Variants in XRCC5 observed in about 807,000 individuals in gnomAD.
XRCC5 encodes X-ray repair cross complementing 5.
XRCC5 carries 12 observed loss-of-function variants against 95.7 expected under a neutral mutation model. That is an observed-to-expected ratio of 0.13 (90% CI 0.08 to 0.20). The LOEUF (loss-of-function observed/expected upper bound fraction) is 0.20. XRCC5 is among the 10% of genes least tolerant of loss of function. The probability of loss-of-function intolerance (pLI) is 1.00; values close to 1 mark genes in which losing one functional copy is unlikely to be tolerated. For synonymous variants in XRCC5, 281 were observed against 290.3 expected (o/e 0.97, Z 0.33); for missense variants, 595 against 873.9 (o/e 0.68, Z 4.02).
At chr2:216,168,362 A>G (rs1430959190) in intron 16 of XRCC5, among the ~76,000 whole-genome samples, 2 of 152,218 alleles carry the variant, frequency 1.3e-5, no homozygotes, top group East Asian at 3.8e-4. Flanking sequence ...TTTACATCTT[A>G]ATATAATGAA....
At chr2:216,121,945 T>A in intron 5 of XRCC5, 117 bp from the exon 6 acceptor site, 1 of 948,238 alleles carries the variant, frequency 1.1e-6, no homozygotes, top group East Asian at 2.7e-5. Context: ...GTAAGAGTCG[T>A]TTGACAGATG....
intron 14 of XRCC5, among the ~76,000 whole-genome samples, chr2:216,151,875 G>C (rs1026838507): frequency 1.3e-5 from 2 of 152,158 alleles, no homozygotes; most frequent in South Asian, 4.1e-4. Flanking sequence ...AAAGGAAAGA[G>C]GTTTGATTGA....
At chr2:216,185,586 A>T (rs1250684864) in intron 16 of XRCC5, among the ~76,000 whole-genome samples, 2 of 151,938 alleles carry the variant, frequency 1.3e-5, no homozygotes, top group Non-Finnish European at 2.9e-5. Flanking sequence ...ACTTATTTTG[A>T]TTTAAGTGCT....
chr2:216,166,913 G>A (rs902608549), intron 16 of XRCC5, among the ~76,000 whole-genome samples: 2 of 152,120 alleles, frequency 1.3e-5, no homozygotes, highest in Non-Finnish European at 2.9e-5. Context: ...GATATATGGG[G>A]ACAGATAAAA....
chr2:216,170,477 G>A (rs207927), intron 16 of XRCC5, among the ~76,000 whole-genome samples: 94,227 of 151,862 alleles, frequency 0.62, 30,359 homozygotes, highest in African/African-American at 0.79. Flanking sequence ...CCTGATACCA[G>A]TCTTCTATGA....
In XRCC5 at chr2:216,117,056, C is replaced by G. The variant is rs1696710891; in HGVS notation, c.319+214C>G. ...CCAGCCCTCCACTCACTTCCCTGTT[C>G]TCTGCATGGGTGATACTGAGAGGTT... On this transcript the variant is annotated intron_variant, in intron 3 of 20. Transcript: ENST00000392132. 1.2e-5 allele frequency: 7 copies of G among 585,302 alleles called. No individual in the cohort carries two copies. In the South Asian group the frequency reaches 1.5e-4, roughly 12 times the overall value. The allele number at this position is 585,302 out of a possible 1,614,324, so 36.3% of individuals were successfully genotyped here.
intron 16 of XRCC5, among the ~76,000 whole-genome samples, chr2:216,184,263 A>T (rs1689450143): frequency 6.6e-6 from 1 of 152,078 alleles, no homozygotes; most frequent in Non-Finnish European, 1.5e-5. Context: ...AATGTATGTA[A>T]CTCTAAAGAC....
intron 14 of XRCC5, among the ~76,000 whole-genome samples, chr2:216,158,168 T>G (rs1326683080): frequency 6.6e-6 from 1 of 152,176 alleles, no homozygotes; most frequent in East Asian, 1.9e-4. Flanking sequence ...CAACTTAGCT[T>G]TTTATGTGTA....
rs1689903836 is a variant in XRCC5, at chr2:216,204,438, T to A, written c.2184+42T>A. 2.5e-6 allele frequency: 4 copies of A among 1,605,382 alleles called. No individual in the cohort carries two copies. The African/African-American group carries it at 4.0e-5, about 16-fold the overall frequency. On this transcript the variant is annotated intron_variant, in intron 20 of 20. Transcript: ENST00000392132. The stretch of plus-strand genomic sequence containing the variant: ...TGCACCTGGTGTTCTATGATTGAAG[T>A]CACCTGAGCTGTAAATACAGCCACA...
chr2:216,119,232 T>C, intron 5 of XRCC5, 67 bp downstream of exon 5: 1 of 1,540,380 alleles, frequency 6.5e-7, no homozygotes, highest in Non-Finnish European at 8.9e-7. Flanking sequence ...ATGGGCCCTC[T>C]GTATAGAGTA....
intron 18 of XRCC5, among the ~76,000 whole-genome samples, chr2:216,194,194 CTT>C (rs1309172941): frequency 6.6e-6 from 1 of 152,224 alleles, no homozygotes; most frequent in Non-Finnish European, 1.5e-5. Flanking sequence ...AAAATTGTGA[CTT>C]TAAGCAAAAT....
intron 16 of XRCC5, among the ~76,000 whole-genome samples, chr2:216,163,597 C>T (rs1375468624): frequency 1.9e-5 from 2 of 106,340 alleles, no homozygotes; most frequent in Admixed American, 8.7e-5. Context: ...CCACCGTGCC[C>T]GGCCCAAAAA....
rs58499938 is a variant in XRCC5, at chr2:216,167,570, TTGTGTGTGTGTG to T, written c.1834+5555_1834+5566del. Among the ~76,000 whole-genome samples, 821 of 138,492 alleles carry T rather than the reference TTGTGTGTGTGTG, an allele frequency of 5.9e-3. 5 individuals carry two copies. Among genetic ancestry groups the T allele is most frequent in the African/African-American group, 0.018 (679 of 37,932 alleles). 90.9% of individuals were successfully genotyped at this position (138,492 alleles called of 152,430 possible). On this transcript the variant is annotated intron_variant, in intron 16 of 20. Coordinates refer to ENST00000392132, the MANE Select transcript of XRCC5 (RefSeq NM_021141.4). ...ATCTCTCTCGTGTGTGTGTGTGGGT[TTGTGTGTGTGTG>T]TGTGTGTGTGTGTGTGTGTGTGTGT...
At chr2:216,204,791 T>A (rs1275012320) in intron 20 of XRCC5, among the ~76,000 whole-genome samples, 2 of 152,248 alleles carry the variant, frequency 1.3e-5, no homozygotes, top group Non-Finnish European at 2.9e-5. Flanking sequence ...ACTTCTTAAA[T>A]GTTCTCAATT....
intron 13 of XRCC5, 118 bp downstream of exon 13, chr2:216,141,437 C>G: frequency 9.8e-7 from 1 of 1,021,616 alleles, no homozygotes; most frequent in Non-Finnish European, 1.4e-6. Context: ...GCCCCATTTG[C>G]TCTATTTAAT....
chr2:216,170,584 C>G (rs1037089551), intron 16 of XRCC5, among the ~76,000 whole-genome samples: 2 of 152,174 alleles, frequency 1.3e-5, no homozygotes, highest in Non-Finnish European at 2.9e-5. Flanking sequence ...TGCCGTGATT[C>G]ATTCACCTCC....
In XRCC5 at chr2:216,116,867, C is replaced by CT. The variant is rs775745232; in HGVS notation, c.319+28dup. 8.7e-6 allele frequency: 14 copies of CT among 1,607,906 alleles called. No homozygotes were observed. In the African/African-American group the frequency reaches 1.9e-4, roughly 22 times the overall value. On this transcript the variant is annotated intron_variant, in intron 3 of 20. Coordinates refer to ENST00000392132, the MANE Select transcript of XRCC5 (RefSeq NM_021141.4). ...TGTATCCTTTTTCTGCCAGAGAAGA[C>CT]TTTAAGAAATTTCCTTTATTCTGGG...
intron 12 of XRCC5, among the ~76,000 whole-genome samples, chr2:216,140,895 A>G (rs1197880289): frequency 3.3e-5 from 5 of 152,168 alleles, no homozygotes; most frequent in Admixed American, 1.3e-4. Context: ...TGGTTTTTAT[A>G]TGGCTGTATT....
intron 13 of XRCC5, 146 bp from the exon 14 acceptor site, chr2:216,147,937 C>A: frequency 1.2e-6 from 1 of 844,440 alleles, no homozygotes; most frequent in Non-Finnish European, 1.9e-6. Flanking sequence ...AAAGGTGGTT[C>A]TAGGTGAATC....
Sources: allele counts gnomAD v4.1 joint callset (sites outside exome capture counted in the v4.1 genomes callset), GRCh38; gene constraint gnomAD v4.1.1; transcripts MANE v1.5; gene names NCBI Gene and HGNC (gene_info 2026-07-23, HGNC 2026-07-21).